RALGPS1: variants seen among roughly 807,000 people sequenced by gnomAD.
The protein encoded by RALGPS1 is ras-specific guanine nucleotide-releasing factor RalGPS1.
Under a neutral mutation model 78.8 loss-of-function variants are expected in RALGPS1, and 19 were observed. The observed-to-expected ratio is 0.24, with a 90% confidence interval of 0.17 to 0.35. RALGPS1 has a LOEUF of 0.35. Ranked by LOEUF, RALGPS1 falls within the 10% of genes least tolerant of loss-of-function variation. RALGPS1 has a pLI of 1.00. For missense variants in RALGPS1, 454 were observed against 688.3 expected, an observed-to-expected ratio of 0.66 and a Z score of 3.81; for synonymous variants, 228 against 256.3, an observed-to-expected ratio of 0.89 and a Z score of 1.06.
rs1295381480 is a variant in RALGPS1 at position 127,183,726 on chromosome 9, C to T, written c.910+8944C>T. 7.0e-6 allele frequency: 5 copies of T among 713,804 alleles called. No homozygotes were observed. The highest frequency in any genetic ancestry group is 5.4e-5 in the African/African-American group (3 of 55,734). The allele number at this position is 713,804 out of a possible 1,614,324, so 44.2% of individuals were successfully genotyped here. The stretch of plus-strand genomic sequence containing the variant: ...GCTGTAGGCCCTCTCTCCATGTGCT[C>T]CTCTCTCTGGAAACATACTCTCTCT... On this transcript the variant is annotated intron_variant, in intron 11 of 18. Transcript: ENST00000259351. This position sits in a 1 kb window ranked among gnomAD's most constrained non-coding sequence, Gnocchi z 4.0.
At chr9:126,940,077 T>C (rs1030539435) in intron 1 of RALGPS1, among the ~76,000 whole-genome samples, 1 of 152,162 alleles carries the variant, frequency 6.6e-6, no homozygotes, top group African/African-American at 2.4e-5. Flanking sequence ...TGTTCTGGGA[T>C]CTTATCTCCC....
At chr9:127,086,323 T>G (rs950859123) in intron 8 of RALGPS1, among the ~76,000 whole-genome samples, 28 of 152,228 alleles carry the variant, frequency 1.8e-4, no homozygotes, top group African/African-American at 6.3e-4. Context: ...TTCAACAATA[T>G]GGAGTCAATT....
chr9:127,026,825 G>A (rs1372439675), intron 4 of RALGPS1, among the ~76,000 whole-genome samples: 3 of 149,214 alleles, frequency 2.0e-5, no homozygotes, highest in Non-Finnish European at 4.5e-5. Context: ...ACAGGGTGGG[G>A]ACTGGCATGC....
At position 127,070,809 on chromosome 9, in the gene RALGPS1, T is replaced by G. The variant is rs199507445; in HGVS notation, c.610+1453T>G. ...GTGCAATTTTTTGAAGTTACATTTT[T>G]GACAATTTTAAAATTTCTTTCATGA... On this transcript the variant is annotated intron_variant, in intron 8 of 18. Coordinates refer to ENST00000259351, the MANE Select transcript of RALGPS1 (RefSeq NM_014636.3). Among the ~76,000 whole-genome samples the G allele has an allele frequency of 3.9e-5, 6 of 152,194 alleles. No homozygotes were observed. The East Asian group carries it at 1.2e-3, about 29-fold the overall frequency.
At chr9:127,005,551 A>T (rs1241294704) in intron 4 of RALGPS1, among the ~76,000 whole-genome samples, 3 of 152,158 alleles carry the variant, frequency 2.0e-5, no homozygotes, top group Admixed American at 2.0e-4. Context: ...CCAGGCCTTG[A>T]GTCACTGCCT....
intron 1 of RALGPS1, among the ~76,000 whole-genome samples, chr9:126,953,084 T>C (rs1321968797): frequency 6.6e-6 from 1 of 152,158 alleles, no homozygotes; most frequent in Non-Finnish European, 1.5e-5. Context: ...GACTGTCTCA[T>C]GTTATTTTCT....
intron 1 of RALGPS1, among the ~76,000 whole-genome samples, chr9:126,958,158 T>TATATATATATGTATATATATATAC (rs1345241110): frequency 4.1e-5 from 5 of 121,066 alleles, no homozygotes; most frequent in African/African-American, 1.4e-4. Flanking sequence ...TATATATATA[T>TATATATATATGTATATATATATAC]ACACACACAC....
chr9:127,001,154 G>T (rs2043272016), intron 4 of RALGPS1, among the ~76,000 whole-genome samples: 1 of 150,748 alleles, frequency 6.6e-6, no homozygotes, highest in Admixed American at 6.6e-5. Flanking sequence ...TGGGCATGGT[G>T]GTGCATGCCT....
intron 8 of RALGPS1, among the ~76,000 whole-genome samples, chr9:127,071,272 T>G (rs2050179157): frequency 6.6e-6 from 1 of 152,158 alleles, no homozygotes; most frequent in African/African-American, 2.4e-5. Context: ...GGATTTGTTT[T>G]CAGTCACACT....
At chr9:127,146,055 G>A (rs964949564) in intron 8 of RALGPS1, among the ~76,000 whole-genome samples, 3 of 152,308 alleles carry the variant, frequency 2.0e-5, no homozygotes, top group Middle Eastern at 3.4e-3. Flanking sequence ...GTGGATTCTC[G>A]ATACGTTATC....
chr9:126,981,487 C>G (rs923098386), intron 4 of RALGPS1, among the ~76,000 whole-genome samples: 1 of 152,192 alleles, frequency 6.6e-6, no homozygotes, highest in Non-Finnish European at 1.5e-5. Flanking sequence ...AGCCCTCTGA[C>G]CTAATCCCTG....
At chr9:127,151,334 T>C (rs2058410110) in intron 8 of RALGPS1, among the ~76,000 whole-genome samples, 2 of 152,192 alleles carry the variant, frequency 1.3e-5, no homozygotes, top group Non-Finnish European at 2.9e-5. Context: ...CCTATCTCTT[T>C]GGGTCTTTAT....
chr9:127,165,850 G>A (rs997387020), intron 8 of RALGPS1, among the ~76,000 whole-genome samples: 1 of 152,210 alleles, frequency 6.6e-6, no homozygotes, highest in African/African-American at 2.4e-5. Flanking sequence ...CTAAAATCTT[G>A]CCAGCATACA....
At chr9:127,075,411 CAA>C (rs926791668) in intron 8 of RALGPS1, among the ~76,000 whole-genome samples, 52 of 152,316 alleles carry the variant, frequency 3.4e-4, no homozygotes, top group African/African-American at 1.2e-3. Context: ...AAGAATGAAG[CAA>C]GACCTCCTGA....
intron 8 of RALGPS1, among the ~76,000 whole-genome samples, chr9:127,158,057 C>G (rs2058803518): frequency 6.6e-6 from 1 of 151,978 alleles, no homozygotes. Context: ...TGTGATTGGT[C>G]TCTGTTTTAT....
intron 7 of RALGPS1, among the ~76,000 whole-genome samples, chr9:127,060,913 G>GT (rs2049155976): frequency 3.3e-5 from 5 of 152,132 alleles, no homozygotes; most frequent in African/African-American, 4.8e-5. Flanking sequence ...TTCACCTTCA[G>GT]TTTTATGATA....
intron 11 of RALGPS1, among the ~76,000 whole-genome samples, chr9:127,194,117 A>G (rs1251103222): frequency 6.6e-6 from 1 of 152,210 alleles, no homozygotes; most frequent in Non-Finnish European, 1.5e-5. Flanking sequence ...ACATGGTAAT[A>G]ATTACCATAA....
chr9:126,952,787 T>C (rs1015706024), intron 1 of RALGPS1, among the ~76,000 whole-genome samples: 1 of 152,138 alleles, frequency 6.6e-6, no homozygotes, highest in African/African-American at 2.4e-5. Flanking sequence ...GGAGGGGTTG[T>C]GGCAAAATCC....
chr9:126,997,153 A>G (rs1410205396), intron 4 of RALGPS1, among the ~76,000 whole-genome samples: 1 of 152,212 alleles, frequency 6.6e-6, no homozygotes, highest in Non-Finnish European at 1.5e-5. Context: ...CACCACTCCT[A>G]TTCAACATAG....
Sources: gnomAD v4.1 joint callset for allele counts (sites outside exome capture counted in the v4.1 genomes callset) on GRCh38, gnomAD v4.1.1 for gene constraint, Gnocchi (gnomAD v3.1) non-coding constraint, MANE v1.5 for transcripts, NCBI Gene and HGNC (gene_info 2026-07-23, HGNC 2026-07-21) for gene names.